ANTXR2: variants seen among roughly 807,000 people sequenced by gnomAD.
ANTXR2 encodes anthrax toxin receptor 2.
A neutral mutation model predicts 73.7 loss-of-function variants in ANTXR2; 44 were observed. The observed-to-expected ratio is 0.60, with a 90% CI of 0.47 to 0.77. The LOEUF is 0.77. ANTXR2 is among the 30% of genes least tolerant of loss of function. The pLI, the probability that ANTXR2 is intolerant of heterozygous loss-of-function variation, is 0.00. For missense variants in ANTXR2, 604 were observed against 592.5 expected, an observed-to-expected ratio of 1.02 and a Z score of -0.20; for synonymous variants, 217 against 205.9, an observed-to-expected ratio of 1.05 and a Z score of -0.46.
At chr4:80,016,907 A>T (rs375058183) in intron 11 of ANTXR2, among the ~76,000 whole-genome samples, 1 of 152,180 alleles carries the variant, frequency 6.6e-6, no homozygotes, top group Admixed American at 6.5e-5. Context: ...CTCCAATTTG[A>T]TCACCCCAGT....
intron 16 of ANTXR2, among the ~76,000 whole-genome samples, chr4:79,966,830 T>C (rs1006574892): frequency 6.6e-6 from 1 of 152,234 alleles, no homozygotes; most frequent in Non-Finnish European, 1.5e-5. Flanking sequence ...CTGTGATTGC[T>C]GCACATTCTT....
chr4:80,047,168 T>C (rs1733556484), intron 7 of ANTXR2, among the ~76,000 whole-genome samples: 2 of 151,720 alleles, frequency 1.3e-5, no homozygotes, highest in South Asian at 4.1e-4. Context: ...CAAAGTGGAT[T>C]TAATTTTCTT....
chr4:79,928,188 G>T (rs553735170), intron 16 of ANTXR2, among the ~76,000 whole-genome samples: 3 of 152,132 alleles, frequency 2.0e-5, no homozygotes, highest in Admixed American at 6.6e-5. Flanking sequence ...AAAAAGAAAC[G>T]AAATTTAGAT....
intron 1 of ANTXR2, 127 bp from the exon 2 acceptor site, chr4:80,071,781 G>A: frequency 1.4e-6 from 1 of 707,800 alleles, no homozygotes; most frequent in Admixed American, 2.7e-5. Flanking sequence ...GCTAAGTAAG[G>A]GTATCTGTAG....
At chr4:80,049,127 A>AC (rs11424209) in intron 7 of ANTXR2, among the ~76,000 whole-genome samples, 273 of 23,704 alleles carry the variant, frequency 0.012, 1 homozygote, top group African/African-American at 0.025. Flanking sequence ...AGGTATTCTT[A>AC]AAAAAAATGT....
At chr4:80,020,054 C>T (rs1732082810) in intron 10 of ANTXR2, among the ~76,000 whole-genome samples, 1 of 152,016 alleles carries the variant, frequency 6.6e-6, no homozygotes, top group Non-Finnish European at 1.5e-5. Context: ...AGGATATTAT[C>T]ATATAATTGG....
intron 7 of ANTXR2, among the ~76,000 whole-genome samples, chr4:80,053,581 G>A (rs1355170489): frequency 6.6e-6 from 1 of 151,490 alleles, no homozygotes; most frequent in Non-Finnish European, 1.5e-5. Flanking sequence ...TTTTAGGATG[G>A]TGTTTACCAA....
chr4:79,978,414 A>T (rs1578125367), intron 14 of ANTXR2, among the ~76,000 whole-genome samples: 1 of 152,056 alleles, frequency 6.6e-6, no homozygotes, highest in South Asian at 2.1e-4. Context: ...AGCCAACTAA[A>T]TTTGAAGCAA....
intron 12 of ANTXR2, among the ~76,000 whole-genome samples, chr4:79,996,100 C>T (rs749784333): frequency 1.3e-5 from 2 of 151,994 alleles, no homozygotes; most frequent in Non-Finnish European, 2.9e-5. Flanking sequence ...ACTTCAATAA[C>T]TTGCCCAAAT....
intron 16 of ANTXR2, among the ~76,000 whole-genome samples, chr4:79,934,258 G>A (rs1487151184): frequency 6.6e-6 from 1 of 152,142 alleles, no homozygotes; most frequent in Non-Finnish European, 1.5e-5. Context: ...CGTGTGCAGT[G>A]GCTTATGCCT....
At chr4:80,047,561 C>T (rs1223645935) in intron 7 of ANTXR2, among the ~76,000 whole-genome samples, 1 of 151,624 alleles carries the variant, frequency 6.6e-6, no homozygotes, top group African/African-American at 2.4e-5. Flanking sequence ...GCCTTCTTCT[C>T]CCTCTCTCCC....
chr4:79,926,952 T>TACACGTGCATATATGTGTATATATATAC (rs141662949), intron 16 of ANTXR2, among the ~76,000 whole-genome samples: 1 of 95,760 alleles, frequency 1.0e-5, no homozygotes, highest in African/African-American at 5.1e-5. Flanking sequence ...TGTGTATATA[T>TACACGTGCATATATGTGTATATATATAC]ACGTGTGCAT....
At chr4:79,975,914 CTTT>C (rs528899255) in intron 16 of ANTXR2, among the ~76,000 whole-genome samples, 1 of 135,742 alleles carries the variant, frequency 7.4e-6, no homozygotes. Context: ...TCAAATTACA[CTTT>C]TTTTTTTTTT....
rs1560856546 is a variant in ANTXR2, at chr4:79,919,914, TATATATAAAA to T, written c.1429-12457_1429-12448del. On this transcript the variant is annotated intron_variant, in intron 16 of 16. Transcript: ENST00000403729. ...ATATATATATATATATATATATATA[TATATATAAAA>T]AATGATAGGGCAGACAAGTAATTAC... 9.2e-3 allele frequency among the ~76,000 whole-genome samples: 159 copies of T among 17,230 alleles called. 3 individuals are homozygous for T. Among genetic ancestry groups the T allele is most frequent in the African/African-American group, 0.042 (158 of 3,794 alleles). The allele number at this position is 17,230 out of a possible 152,430, so 11.3% of individuals were successfully genotyped here.
At chr4:79,908,501 A>G (rs1421113924) in intron 16 of ANTXR2, among the ~76,000 whole-genome samples, 1 of 152,212 alleles carries the variant, frequency 6.6e-6, no homozygotes, top group East Asian at 1.9e-4. Context: ...TGACTGCTCA[A>G]TAAATTTGAA....
At chr4:80,037,880 C>G (rs909708815) in intron 7 of ANTXR2, among the ~76,000 whole-genome samples, 1 of 152,066 alleles carries the variant, frequency 6.6e-6, no homozygotes, top group Non-Finnish European at 1.5e-5. Context: ...AGTGAACCAT[C>G]AAAATGGAAG....
intron 12 of ANTXR2, among the ~76,000 whole-genome samples, chr4:80,004,068 A>G (rs1024249239): frequency 6.6e-6 from 1 of 152,090 alleles, no homozygotes; most frequent in Non-Finnish European, 1.5e-5. Context: ...ATTAATTACT[A>G]TGCAGCAGTA....
intron 7 of ANTXR2, among the ~76,000 whole-genome samples, 187 bp from the exon 8 acceptor site, chr4:80,036,219 T>C (rs557547189): frequency 5.3e-5 from 8 of 152,246 alleles, no homozygotes; most frequent in South Asian, 2.1e-4. Context: ...TTTCAGGGTA[T>C]ATTTTAAGAT....
chr4:80,047,478 T>C (rs931531978), intron 7 of ANTXR2, among the ~76,000 whole-genome samples: 4 of 151,688 alleles, frequency 2.6e-5, no homozygotes, highest in African/African-American at 9.7e-5. Context: ...TACACTTCTA[T>C]GAATAGTGCT....
Sources: gnomAD v4.1 joint callset for allele counts (sites outside exome capture counted in the v4.1 genomes callset) on GRCh38, gnomAD v4.1.1 for gene constraint, MANE v1.5 for transcripts, NCBI Gene and HGNC (gene_info 2026-07-23, HGNC 2026-07-21) for gene names.